The following PLD5 variants were observed in gnomAD, a reference collection of about 807,000 sequenced individuals.
PLD5 encodes the protein inactive phospholipase D5.
In PLD5, 36 loss-of-function variants were observed where a neutral mutation model predicts 61.1. The observed-to-expected ratio is 0.59, with a 90% CI of 0.45 to 0.78. The LOEUF (loss-of-function observed/expected upper bound fraction) is 0.78, where lower values mean the gene tolerates loss of function less well. Among genes scored for constraint, PLD5 ranks in the 30% least tolerant of loss-of-function variants. PLD5 has a pLI of 0.00. For synonymous variants in PLD5, 243 were observed against 242.8 expected (o/e 1.00, Z -0.01); for missense variants, 515 against 644.4 (o/e 0.80, Z 2.17).
intron 1 of PLD5, chr1:242,377,358 C>A: frequency 6.3e-7 from 1 of 1,580,912 alleles, no homozygotes; most frequent in South Asian, 1.1e-5. Flanking sequence ...AGTGATTGCT[C>A]CTCAGGGAGA....
At chr1:242,222,941 A>T (rs1670693794) in intron 4 of PLD5, among the ~76,000 whole-genome samples, 1 of 152,202 alleles carries the variant, frequency 6.6e-6, no homozygotes, top group South Asian at 2.1e-4. Context: ...AAAATTAGGG[A>T]TAAAAGACCT....
chr1:242,430,023 A>T (rs1665633963), intron 1 of PLD5, among the ~76,000 whole-genome samples: 1 of 152,166 alleles, frequency 6.6e-6, no homozygotes, highest in Admixed American at 6.5e-5. Flanking sequence ...GCCAAGCTGC[A>T]TAGACATTTT....
chr1:242,240,549 G>T (rs1347083850), intron 4 of PLD5, among the ~76,000 whole-genome samples: 1 of 152,082 alleles, frequency 6.6e-6, no homozygotes, highest in Non-Finnish European at 1.5e-5. Context: ...GCCTGAGGGA[G>T]TTTTTTTCCC....
At chr1:242,321,777 T>C (rs1378241925) in intron 2 of PLD5, among the ~76,000 whole-genome samples, 5 of 152,198 alleles carry the variant, frequency 3.3e-5, no homozygotes, top group Non-Finnish European at 7.3e-5. Flanking sequence ...ACTCTGTGAT[T>C]CTCCCTTGTG....
chr1:242,260,600 CT>C (rs1438815421), intron 4 of PLD5, among the ~76,000 whole-genome samples: 1 of 152,094 alleles, frequency 6.6e-6, no homozygotes, highest in Non-Finnish European at 1.5e-5. Context: ...AAATGAAAAG[CT>C]GTATGAAAGC....
At chr1:242,172,834 G>C (rs896517013) in intron 5 of PLD5, among the ~76,000 whole-genome samples, 1 of 152,028 alleles carries the variant, frequency 6.6e-6, no homozygotes, top group Admixed American at 6.6e-5. Flanking sequence ...CCAGGAAGAA[G>C]TCAAATCCCT....
chr1:242,254,652 A>G (rs889895042), intron 4 of PLD5, among the ~76,000 whole-genome samples: 1 of 149,900 alleles, frequency 6.7e-6, no homozygotes, highest in Admixed American at 6.6e-5. Context: ...CCTGGGCAAC[A>G]AGAGTGAAAT....
intron 1 of PLD5, among the ~76,000 whole-genome samples, chr1:242,350,785 T>C (rs953341854): frequency 1.6e-4 from 24 of 152,194 alleles, no homozygotes; most frequent in Non-Finnish European, 7.3e-5. Flanking sequence ...CCTGTCATTA[T>C]ATTTTCTTAC....
intron 1 of PLD5, among the ~76,000 whole-genome samples, chr1:242,451,207 G>A (rs1666764296): frequency 6.6e-6 from 1 of 152,174 alleles, no homozygotes; most frequent in East Asian, 1.9e-4. Context: ...TCAATGAAGC[G>A]TCTCCCTTTC....
chr1:242,362,595 G>T (rs1442256775), intron 1 of PLD5, among the ~76,000 whole-genome samples: 4 of 152,114 alleles, frequency 2.6e-5, no homozygotes, highest in Non-Finnish European at 5.9e-5. Context: ...CCCAAAGGAA[G>T]CACGTCACCC....
intron 1 of PLD5, among the ~76,000 whole-genome samples, chr1:242,473,302 G>T (rs1254807414): frequency 2.6e-5 from 4 of 152,126 alleles, no homozygotes; most frequent in African/African-American, 9.7e-5. Context: ...TGGAGTCTGG[G>T]CTCTGTTTCA....
chr1:242,405,416 A>T (rs1024059054), intron 1 of PLD5, among the ~76,000 whole-genome samples: 2 of 152,076 alleles, frequency 1.3e-5, no homozygotes, highest in African/African-American at 4.8e-5. Flanking sequence ...TCATCCTACA[A>T]TGCACAGGAT....
intron 2 of PLD5, among the ~76,000 whole-genome samples, chr1:242,302,865 C>T (rs1165023273): frequency 1.3e-5 from 2 of 151,974 alleles, no homozygotes; most frequent in Non-Finnish European, 2.9e-5. Flanking sequence ...TGATCTCAGC[C>T]CAGAATTTAG....
At chr1:242,288,611 A>G (rs1287555023) in intron 2 of PLD5, 81 bp from the exon 3 acceptor site, 2 of 1,467,126 alleles carry the variant, frequency 1.4e-6, no homozygotes, top group Non-Finnish European at 1.8e-6. Flanking sequence ...CATACAGCAG[A>G]CATCTAAAAA....
intron 1 of PLD5, among the ~76,000 whole-genome samples, chr1:242,384,124 T>C (rs1053400758): frequency 6.6e-6 from 1 of 152,262 alleles, no homozygotes; most frequent in Non-Finnish European, 1.5e-5. Flanking sequence ...GTTATCTTTA[T>C]AATCTTCTCA....
At chr1:242,159,747 G>A (rs569530807) in intron 5 of PLD5, among the ~76,000 whole-genome samples, 50 of 152,196 alleles carry the variant, frequency 3.3e-4, no homozygotes, top group Middle Eastern at 6.8e-3. Context: ...GTAGTTTACC[G>A]TGAAGAAAGC....
At chr1:242,459,946 TTCC>T (rs1667066221) in intron 1 of PLD5, among the ~76,000 whole-genome samples, 2 of 152,182 alleles carry the variant, frequency 1.3e-5, no homozygotes, top group Non-Finnish European at 2.9e-5. Flanking sequence ...GCATACTCCC[TTCC>T]GAGAATTTCT....
intron 1 of PLD5, among the ~76,000 whole-genome samples, chr1:242,460,981 A>C (rs570029717): frequency 6.6e-6 from 1 of 152,202 alleles, no homozygotes; most frequent in Non-Finnish European, 1.5e-5. Context: ...CTCTACTAAA[A>C]ATACAAAAAC....
intron 7 of PLD5, among the ~76,000 whole-genome samples, chr1:242,112,596 G>T (rs1661616171): frequency 6.6e-6 from 1 of 152,102 alleles, no homozygotes; most frequent in Admixed American, 6.6e-5. Flanking sequence ...TATAAGAAAT[G>T]ATCATTTTCT....
Sources: allele counts gnomAD v4.1 joint callset (sites outside exome capture counted in the v4.1 genomes callset), GRCh38; gene constraint gnomAD v4.1.1; transcripts MANE v1.5; gene names NCBI Gene and HGNC (gene_info 2026-07-23, HGNC 2026-07-21).